Variants in STAT4 observed in about 807,000 individuals in gnomAD.
STAT4 encodes the protein signal transducer and activator of transcription 4.
A neutral mutation model predicts 110.5 loss-of-function variants in STAT4; 42 were observed. The ratio of observed to expected loss-of-function variants is 0.38; its 90% CI spans 0.30 to 0.49. The LOEUF is 0.49. Ranked by LOEUF, STAT4 falls within the 20% of genes least tolerant of loss-of-function variation. STAT4 has a pLI of 0.95. For synonymous variants in STAT4, 284 were observed against 302.2 expected, an observed-to-expected ratio of 0.94 and a Z score of 0.63; for missense variants, 632 against 887.9, an observed-to-expected ratio of 0.71 and a Z score of 3.66.
chr2:191,136,856 T>C (rs1469074444), intron 3 of STAT4, among the ~76,000 whole-genome samples: 1 of 152,132 alleles, frequency 6.6e-6, no homozygotes, highest in East Asian at 1.9e-4. Flanking sequence ...ATAGGTTCAG[T>C]AAAGTTGCAG....
chr2:191,035,679 G>T lies in STAT4; in HGVS notation c.1570+485C>A, dbSNP rs761676086. ...TGCAGAATTAAGTATTGCCCAGGTA[G>T]TTTAAAACTTCTATTACATTTCCTA... On this transcript the variant is annotated intron_variant, in intron 17 of 23. Transcript: ENST00000392320. The surrounding 1 kb of genome is among the most constrained non-coding windows in gnomAD (Gnocchi z 4.7). 1.3e-5 allele frequency among the ~76,000 whole-genome samples: 2 copies of T among 152,228 alleles called. No individual in the cohort carries two copies. Among genetic ancestry groups the T allele is most frequent in the African/African-American group, 2.4e-5 (1 of 41,462 alleles).
intron 6 of STAT4, 28 bp downstream of exon 6, chr2:191,069,665 C>T (rs1427330773): frequency 6.4e-7 from 1 of 1,560,074 alleles, no homozygotes; most frequent in Non-Finnish European, 8.8e-7. Context: ...TGTCTCTATG[C>T]ATAATTATAG....
At chr2:191,064,769 T>C in intron 8 of STAT4, 38 bp downstream of exon 8, 1 of 1,594,056 alleles carries the variant, frequency 6.3e-7, no homozygotes, top group East Asian at 2.3e-5. Flanking sequence ...TTGTGTTTCC[T>C]GTGGTTTTCA....
intron 14 of STAT4, among the ~76,000 whole-genome samples, chr2:191,052,995 A>G (rs571035236): frequency 1.3e-5 from 2 of 152,274 alleles, no homozygotes; most frequent in Non-Finnish European, 2.9e-5. Flanking sequence ...ATCTTTGGTG[A>G]GGCTATGATG....
At chr2:191,100,557 T>A (rs1413972914) in intron 3 of STAT4, among the ~76,000 whole-genome samples, 1 of 152,128 alleles carries the variant, frequency 6.6e-6, no homozygotes, top group African/African-American at 2.4e-5. Flanking sequence ...CAGGTGAGAT[T>A]TGTTCCCCAA....
In STAT4 at chr2:191,144,184, T is replaced by C. The variant is rs1210382468; in HGVS notation, c.273+2429A>G. On this transcript the variant is annotated intron_variant, in intron 3 of 23. Transcript: ENST00000392320. This position sits in a 1 kb window ranked among gnomAD's most constrained non-coding sequence, Gnocchi z 4.7. ...ATCAGCCTTTTACCCTCAAGGACCT[T>C]GTGACCTGGTTTGACACACATGCAA... Among the ~76,000 whole-genome samples the C allele has an allele frequency of 6.6e-6, 1 of 152,186 alleles. No homozygotes were observed. The highest frequency in any genetic ancestry group is 1.5e-5 in the Non-Finnish European group (1 of 68,024).
At chr2:191,134,882 A>G (rs1574191463) in intron 3 of STAT4, among the ~76,000 whole-genome samples, 1 of 152,210 alleles carries the variant, frequency 6.6e-6, no homozygotes, top group Admixed American at 6.5e-5. Flanking sequence ...GAAACAAATG[A>G]AAATTGAAAC....
Position 191,058,866 on chromosome 2 carries a change from T to G in STAT4, c.1035-97A>C, listed in dbSNP as rs1185873475. ...AAACATTTAAATATACTATGAAATA[T>G]GCATATAAATAAACCTTACATTATC... On this transcript the variant is annotated intron_variant, in intron 10 of 23. Coordinates refer to ENST00000392320, the MANE Select transcript of STAT4 (RefSeq NM_003151.4). This position sits in a 1 kb window ranked among gnomAD's most constrained non-coding sequence, Gnocchi z 4.3. 7 of 682,564 alleles carry G rather than the reference T, an allele frequency of 1.0e-5. No individual in the cohort carries two copies. Among genetic ancestry groups the G allele is most frequent in the Non-Finnish European group, 1.7e-5 (7 of 400,176 alleles). 42.3% of individuals were successfully genotyped at this position (682,564 alleles called of 1,614,324 possible). A position where few individuals can be genotyped will look rare whatever the true frequency, so the allele number is the denominator to read the frequency against.
chr2:191,098,373 TC>T (rs1698064966), intron 3 of STAT4, among the ~76,000 whole-genome samples: 1 of 152,122 alleles, frequency 6.6e-6, no homozygotes, highest in African/African-American at 2.4e-5. Flanking sequence ...CAAATGTCCA[TC>T]AATGATAGAC....
chr2:191,069,609 A>G, intron 6 of STAT4, 84 bp downstream of exon 6: 1 of 1,071,300 alleles, frequency 9.3e-7, no homozygotes, highest in Non-Finnish European at 1.4e-6. Flanking sequence ...AGTAGATCAA[A>G]TTTATCCACT....
chr2:191,038,020 G>A (rs1055549983), intron 16 of STAT4, among the ~76,000 whole-genome samples: 1 of 152,200 alleles, frequency 6.6e-6, no homozygotes, highest in Non-Finnish European at 1.5e-5. Context: ...GATGATGGGT[G>A]TGACGACTTT....
intron 6 of STAT4, 45 bp downstream of exon 6, chr2:191,069,648 G>T: frequency 7.0e-7 from 1 of 1,422,012 alleles, no homozygotes; most frequent in Non-Finnish European, 9.8e-7. Context: ...TACTCAAGAT[G>T]CCTTTTTGTC....
rs150754598 is a variant in STAT4 at position 191,037,959 on chromosome 2, T to C, written c.1434+1240A>G. ...GGCTGTGAATCTGTGTTTTAGGAGC[T>C]GTATATTATCTATAGCTCTAGATTC... On this transcript the variant is annotated intron_variant, in intron 16 of 23. Transcript: ENST00000392320. This position sits in a 1 kb window ranked among gnomAD's most constrained non-coding sequence, Gnocchi z 4.8. 3.2e-4 allele frequency among the ~76,000 whole-genome samples: 49 copies of C among 152,342 alleles called. No individual in the cohort carries two copies. The highest frequency in any genetic ancestry group is 6.5e-4 in the Non-Finnish European group (44 of 68,026).
chr2:191,123,908 T>C (rs1698806536), intron 3 of STAT4, among the ~76,000 whole-genome samples: 1 of 152,192 alleles, frequency 6.6e-6, no homozygotes, highest in African/African-American at 2.4e-5. Context: ...TTTTGTACCA[T>C]CATAAAGTTG....
intron 18 of STAT4, 55 bp downstream of exon 18, chr2:191,034,493 A>G (rs896917147): frequency 3.6e-5 from 48 of 1,335,876 alleles, no homozygotes; most frequent in Non-Finnish European, 1.7e-5. Flanking sequence ...AGACTTAGAA[A>G]GGAACATTGT....
At chr2:191,145,350 T>C (rs1294131372) in intron 3 of STAT4, among the ~76,000 whole-genome samples, 1 of 152,200 alleles carries the variant, frequency 6.6e-6, no homozygotes, top group Admixed American at 6.5e-5. Context: ...TCTTTTCCAA[T>C]CACTTAAAAA....
At position 191,062,834 on chromosome 2, in the gene STAT4, C is replaced by A; in HGVS notation, c.869G>T (p.Gly290Val). The A allele has an allele frequency of 6.2e-7, 1 of 1,613,874 alleles. No homozygotes were observed. The highest frequency in any genetic ancestry group is 8.5e-7 in the Non-Finnish European group (1 of 1,179,880). Residue 290 changes from glycine to valine, a missense_variant, in exon 9 of 24, where the codon GGT becomes GTT. Around this residue, in one of 4 missense-constraint regions of STAT4, gnomAD observed 488 missense variants for 632.8 expected, o/e 0.77. Coordinates refer to ENST00000392320, the MANE Select transcript of STAT4 (RefSeq NM_003151.4). The surrounding 1 kb of genome is among the most constrained non-coding windows in gnomAD (Gnocchi z 4.9). ...EEQSTKMTYE[G>V]DPIPMQRTHM... ...AGTTCTTTGCATTGGAATGGGATCA[C>A]CTTCATATGTCATTTTGGTAGATTG...
chr2:191,151,031 G>A, upstream of STAT4: 1 of 985,626 alleles, frequency 1.0e-6, no homozygotes, highest in Non-Finnish European at 1.2e-6. This position sits in a 1 kb window ranked among gnomAD's most constrained non-coding sequence, Gnocchi z 4.7. Context: ...GAAAGCCGCT[G>A]ACGCCATCAT....
chr2:191,085,457 T>C (rs1697611114), intron 3 of STAT4, among the ~76,000 whole-genome samples: 1 of 151,654 alleles, frequency 6.6e-6, no homozygotes. Context: ...ATTAATGTGT[T>C]ATTAGTATGT....
Sources: allele counts gnomAD v4.1 joint callset (sites outside exome capture counted in the v4.1 genomes callset), GRCh38; gene constraint gnomAD v4.1.1; regional missense constraint gnomAD v4.1.1; non-coding constraint Gnocchi (gnomAD v3.1); transcripts MANE v1.5; gene names NCBI Gene and HGNC (gene_info 2026-07-23, HGNC 2026-07-21).